Variants in AK5 observed in about 807,000 individuals in gnomAD.
AK5 encodes adenylate kinase isoenzyme 5.
In AK5, 27 loss-of-function variants were observed where a neutral mutation model predicts 69.5. The observed-to-expected ratio is 0.39, with a 90% confidence interval of 0.29 to 0.54. The LOEUF (loss-of-function observed/expected upper bound fraction) is 0.54, where lower values mean the gene tolerates loss of function less well. Among genes scored for constraint, AK5 ranks in the 20% least tolerant of loss-of-function variants. AK5 has a pLI of 0.71. For missense variants in AK5, 531 were observed against 700.4 expected (o/e 0.76, Z 2.73); for synonymous variants, 260 against 244.4 (o/e 1.06, Z -0.60).
intron 8 of AK5, among the ~76,000 whole-genome samples, chr1:77,425,705 A>T (rs1651160191): frequency 6.6e-6 from 1 of 152,244 alleles, no homozygotes; most frequent in Non-Finnish European, 1.5e-5. Flanking sequence ...TCTTATTCTT[A>T]ATTGATCTAA....
chr1:77,324,273 CAATT>C (rs1187871156), intron 5 of AK5, among the ~76,000 whole-genome samples: 5 of 145,452 alleles, frequency 3.4e-5, no homozygotes, highest in African/African-American at 1.0e-4. Context: ...TTTAAAAATT[CAATT>C]AATTAAGTGT....
At chr1:77,498,121 G>A (rs940027539) in intron 10 of AK5, among the ~76,000 whole-genome samples, 1 of 152,170 alleles carries the variant, frequency 6.6e-6, no homozygotes, top group East Asian at 1.9e-4. Flanking sequence ...GCACAGGGAG[G>A]AAAGGGGGAT....
chr1:77,529,153 A>C (rs1436984404), intron 12 of AK5, among the ~76,000 whole-genome samples: 1 of 152,162 alleles, frequency 6.6e-6, no homozygotes, highest in Non-Finnish European at 1.5e-5. Context: ...TATTTAATGT[A>C]TGTTCTCCCC....
intron 6 of AK5, among the ~76,000 whole-genome samples, chr1:77,352,789 T>G (rs1662280064): frequency 6.6e-6 from 1 of 152,218 alleles, no homozygotes; most frequent in Admixed American, 6.5e-5. Context: ...AACATTTGAT[T>G]GGTTACTGTT....
chr1:77,332,604 ATTAT>A (rs71588894), intron 5 of AK5, among the ~76,000 whole-genome samples: 112,393 of 146,078 alleles, frequency 0.77, 43,513 homozygotes, highest in South Asian at 0.89. Flanking sequence ...TATTTATTTG[ATTAT>A]TTATTTATTT....
chr1:77,476,606 C>T (rs1237411187), intron 8 of AK5, among the ~76,000 whole-genome samples: 1 of 152,188 alleles, frequency 6.6e-6, no homozygotes, highest in South Asian at 2.1e-4. Flanking sequence ...CACCATACTC[C>T]GTCATCCTGC....
chr1:77,436,046 A>G (rs1218290336), intron 8 of AK5, among the ~76,000 whole-genome samples: 1 of 152,198 alleles, frequency 6.6e-6, no homozygotes, highest in Non-Finnish European at 1.5e-5. Flanking sequence ...ATAAAAATTT[A>G]CTTTCCTTGT....
chr1:77,550,420 T>C (rs1659766851), intron 13 of AK5, among the ~76,000 whole-genome samples: 1 of 152,220 alleles, frequency 6.6e-6, no homozygotes, highest in Non-Finnish European at 1.5e-5. Flanking sequence ...TATAAATTAA[T>C]ATTATAATAA....
chr1:77,425,144 C>T (rs1054531615), intron 8 of AK5, among the ~76,000 whole-genome samples: 1 of 152,106 alleles, frequency 6.6e-6, no homozygotes, highest in Non-Finnish European at 1.5e-5. Context: ...GGGAATAAAG[C>T]ACCAACCTAG....
At chr1:77,323,796 A>G (rs1341832555) in intron 5 of AK5, among the ~76,000 whole-genome samples, 1 of 152,238 alleles carries the variant, frequency 6.6e-6, no homozygotes, top group Non-Finnish European at 1.5e-5. Context: ...ACGTGTGTGT[A>G]GATAGATATA....
At chr1:77,381,524 C>G (rs554778663) in intron 6 of AK5, among the ~76,000 whole-genome samples, 1 of 152,134 alleles carries the variant, frequency 6.6e-6, no homozygotes, top group Non-Finnish European at 1.5e-5. Context: ...AAAACATGGT[C>G]CTGCTTTGAA....
At chr1:77,505,138 C>G (rs563652696) in intron 10 of AK5, among the ~76,000 whole-genome samples, 1 of 152,270 alleles carries the variant, frequency 6.6e-6, no homozygotes, top group East Asian at 1.9e-4. Flanking sequence ...GTGATGTGGT[C>G]TAGAATTGAA....
chr1:77,381,021 G>A (rs550484976), intron 6 of AK5, among the ~76,000 whole-genome samples: 8 of 152,110 alleles, frequency 5.3e-5, no homozygotes, highest in Admixed American at 6.5e-5. Flanking sequence ...AGGGTCTCTC[G>A]GAGCATTAAT....
intron 6 of AK5, among the ~76,000 whole-genome samples, chr1:77,359,792 A>G (rs1003923426): frequency 2.0e-5 from 3 of 152,230 alleles, no homozygotes; most frequent in Non-Finnish European, 4.4e-5. Context: ...ATTTGGTTTC[A>G]CAGTATGTCA....
intron 9 of AK5, among the ~76,000 whole-genome samples, chr1:77,484,401 T>G (rs895784676): frequency 6.6e-6 from 1 of 152,204 alleles, no homozygotes; most frequent in African/African-American, 2.4e-5. Context: ...TTTAGCTTTT[T>G]AAATAACCCC....
chr1:77,376,665 G>A (rs972903606), intron 6 of AK5, among the ~76,000 whole-genome samples: 8 of 152,252 alleles, frequency 5.3e-5, no homozygotes, highest in African/African-American at 1.2e-4. Flanking sequence ...GTCTGGCCAG[G>A]CACAGTGGCT....
intron 5 of AK5, among the ~76,000 whole-genome samples, chr1:77,304,857 A>G (rs1279098363): frequency 6.6e-6 from 1 of 152,242 alleles, no homozygotes; most frequent in African/African-American, 2.4e-5. Context: ...TATACCCAGC[A>G]GTGGGATTGC....
intron 10 of AK5, among the ~76,000 whole-genome samples, chr1:77,516,274 G>A (rs12753797): frequency 0.17 from 25,862 of 152,104 alleles, 2,464 homozygotes; most frequent in Non-Finnish European, 0.18. Flanking sequence ...TCAAATTCAT[G>A]GAAGCAGATT....
At chr1:77,365,917 A>T (rs547259981) in intron 6 of AK5, among the ~76,000 whole-genome samples, 14 of 152,294 alleles carry the variant, frequency 9.2e-5, no homozygotes, top group South Asian at 4.1e-4. Flanking sequence ...TTCAAAAGCT[A>T]TATAATTCAT....
Sources: allele counts gnomAD v4.1 joint callset (sites outside exome capture counted in the v4.1 genomes callset), GRCh38; gene constraint gnomAD v4.1.1; transcripts MANE v1.5; gene names NCBI Gene and HGNC (gene_info 2026-07-23, HGNC 2026-07-21).